The following SNF8 variants were observed in gnomAD, a reference collection of about 807,000 sequenced individuals.
SNF8 encodes the protein vacuolar-sorting protein SNF8.
SNF8 carries 19 observed loss-of-function variants against 36.8 expected under a neutral mutation model. The ratio of observed to expected loss-of-function variants is 0.52; its 90% CI spans 0.36 to 0.76. The LOEUF is 0.76. Among genes scored for constraint, SNF8 ranks in the 30% least tolerant of loss-of-function variants. The pLI is 0.00. For missense variants in SNF8, 268 were observed against 322.9 expected (o/e 0.83, Z 1.30); for synonymous variants, 127 against 127.4 (o/e 1.00, Z 0.02).
At chr17:48,941,633 C>T (rs998874140) in intron 2 of SNF8, among the ~76,000 whole-genome samples, 8 of 152,062 alleles carry the variant, frequency 5.3e-5, no homozygotes, top group Non-Finnish European at 1.2e-4. Flanking sequence ...CACTTGAGCC[C>T]AGGAGCTCAA....
At position 48,944,776 on chromosome 17, in the gene SNF8, G is replaced by T. The variant is rs373186869; in HGVS notation, c.-42C>A. On this transcript the variant is annotated 5_prime_UTR_variant, in exon 1 of 8. Transcript: ENST00000502492. Reference sequence around the variant, plus strand: ...CGGGCCGCCCGGCTGCCGGGACCCCGGGTCTCCACGTCCCGGACTCCGCCG... The same window carrying T: ...CGGGCCGCCCGGCTGCCGGGACCCCTGGTCTCCACGTCCCGGACTCCGCCG... 1.3e-6 allele frequency: 2 copies of T among 1,573,840 alleles called. No individual in the cohort carries two copies. The highest frequency in any genetic ancestry group is 2.8e-5 in the African/African-American group (2 of 71,564).
chr17:48,933,568 C>G, intron 5 of SNF8: 1 of 515,278 alleles, frequency 1.9e-6, no homozygotes, highest in Middle Eastern at 5.3e-4. Flanking sequence ...ACAGCAAGAC[C>G]TTATCTTTAC....
intron 6 of SNF8, 145 bp downstream of exon 6, chr17:48,933,060 T>C (rs2040882622): frequency 1.3e-6 from 1 of 785,480 alleles, no homozygotes; most frequent in Non-Finnish European, 2.0e-6. Context: ...AAATGTCTGC[T>C]GAACAAGCAC....
In SNF8 at chr17:48,944,837, A is replaced by G; in HGVS notation, c.-103T>C. ...AAGGCGGAAGCCCGAGCCGCGCGTC[A>G]TCTGCACGCGCCGGAAGCCACGAGC... On this transcript the variant is annotated 5_prime_UTR_variant, in exon 1 of 8. The change abolishes an upstream ATG in the 5' untranslated region. Transcript: ENST00000502492. 1 of 1,391,998 alleles carries G rather than the reference A, an allele frequency of 7.2e-7. No homozygotes were observed. The allele number at this position is 1,391,998 out of a possible 1,614,324, so 86.2% of individuals were successfully genotyped here.
intron 4 of SNF8, 91 bp downstream of exon 4, chr17:48,936,929 G>A: frequency 1.0e-6 from 1 of 968,892 alleles, no homozygotes; most frequent in South Asian, 1.3e-5. Context: ...TTAGAGGCCT[G>A]TAGACTGCAG....
At chr17:48,930,730 A>G (rs1030436594) in intron 7 of SNF8, 118 bp from the exon 8 acceptor site, 1 of 1,063,802 alleles carries the variant, frequency 9.4e-7, no homozygotes, top group Non-Finnish European at 1.3e-6. Context: ...TAAATCTACT[A>G]AGTGCCTTCA....
In SNF8 at chr17:48,929,445, A is replaced by T. The variant is rs2040823890; in HGVS notation, c.*1030T>A. ...GTTTTCAGATTTCCAGTACTAAACTAGCACTTTTAGGATCTTAGCCTTTAG... is the reference window on the plus strand; with the variant it reads ...GTTTTCAGATTTCCAGTACTAAACTTGCACTTTTAGGATCTTAGCCTTTAG... On this transcript the variant is annotated 3_prime_UTR_variant, in exon 8 of 8. Transcript: ENST00000502492. The T allele has an allele frequency of 6.6e-6, 1 of 152,228 alleles. No individual in the cohort carries two copies. Among genetic ancestry groups the T allele is most frequent in the African/African-American group, 2.4e-5 (1 of 41,450 alleles). The allele number at this position is 152,228 out of a possible 1,614,324, so 9.4% of individuals were successfully genotyped here. A position where few individuals can be genotyped will look rare whatever the true frequency, so the allele number is the denominator to read the frequency against.
At chr17:48,942,415 A>G (rs983066170) in intron 2 of SNF8, among the ~76,000 whole-genome samples, 41 of 151,632 alleles carry the variant, frequency 2.7e-4, no homozygotes, top group Non-Finnish European at 8.8e-5. Context: ...CTCCCCTGTG[A>G]GTGGGTGCTT....
intron 2 of SNF8, among the ~76,000 whole-genome samples, chr17:48,942,037 A>G (rs4793995): frequency 6.6e-6 from 1 of 151,782 alleles, no homozygotes; most frequent in African/African-American, 2.4e-5. Context: ...AAAACTTTTG[A>G]GTCATGAACC....
chr17:48,933,567 C>A, intron 5 of SNF8: 1 of 524,192 alleles, frequency 1.9e-6, no homozygotes, highest in South Asian at 2.6e-5. Flanking sequence ...CACAGCAAGA[C>A]CTTATCTTTA....
chr17:48,941,051 C>G lies in SNF8; in HGVS notation c.117G>C (p.Gln39His), dbSNP rs769706583. 11 of 1,613,814 alleles carry G rather than the reference C, an allele frequency of 6.8e-6. No individual in the cohort carries two copies. Among genetic ancestry groups the G allele is most frequent in the Non-Finnish European group, 8.5e-6 (10 of 1,179,994 alleles). ...CCAGGTTGGTCTTGAACATGTCCAA[C>G]TGCTTTGACATCTGTTGGATGGACA... ...AEDQLAQMSK[Q>H]LDMFKTNLEE... The change falls in exon 3 of 8, where the codon CAG becomes CAC. Residue 39 changes from glutamine (Q) to histidine (H), a missense_variant. Gln to His is a conservative substitution (Grantham distance 24). Coordinates refer to ENST00000502492, the MANE Select transcript of SNF8 (RefSeq NM_007241.4).
intron 6 of SNF8, 46 bp from the exon 7 acceptor site, chr17:48,931,763 T>TC: frequency 6.7e-7 from 1 of 1,487,604 alleles, no homozygotes; most frequent in Non-Finnish European, 9.3e-7. Flanking sequence ...GAGTGCACCT[T>TC]CCCTTAGAAC....
chr17:48,938,881 A>G (rs2040978504), intron 3 of SNF8, among the ~76,000 whole-genome samples: 1 of 151,446 alleles, frequency 6.6e-6, no homozygotes, highest in African/African-American at 2.5e-5. Flanking sequence ...CTCAAAAAAA[A>G]AAAAAAGCAG....
intron 5 of SNF8, among the ~76,000 whole-genome samples, chr17:48,934,230 T>C (rs1043729046): frequency 3.3e-5 from 5 of 152,090 alleles, no homozygotes; most frequent in Admixed American, 6.6e-5. Flanking sequence ...CCCCAAAGAA[T>C]AGCAAACTGA....
At chr17:48,938,272 G>A (rs915942105) in intron 3 of SNF8, among the ~76,000 whole-genome samples, 2 of 146,232 alleles carry the variant, frequency 1.4e-5, no homozygotes, top group East Asian at 2.1e-4. Flanking sequence ...AGAGGCAGGC[G>A]GATCACCTGA....
At chr17:48,935,678 CAAA>C (rs2040924425) in intron 5 of SNF8, 1 of 151,116 alleles carries the variant, frequency 6.6e-6, no homozygotes, top group Non-Finnish European at 1.5e-5. Flanking sequence ...GACTCTTTCT[CAAA>C]GAAAAAAAAG....
chr17:48,944,720 C>T lies in SNF8; in HGVS notation c.15G>A (p.Gly5=). The T allele has an allele frequency of 6.2e-7, 1 of 1,610,888 alleles. No individual in the cohort carries two copies. Among genetic ancestry groups the T allele is most frequent in the Non-Finnish European group, 8.5e-7 (1 of 1,178,966 alleles). Residue 5 remains glycine (G), a synonymous_variant, in exon 1 of 8, where the codon GGG becomes GGA. Transcript: ENST00000502492. ...TCTTGGCGATGGCGCCAGCTCCCAC[C>T]CCGCGGCGGTGCATCCCCACCCTGG... MHRR[G]VGAGAIAKKK... is the part of the protein sequence containing the mutation.
At chr17:48,932,975 CCTT>C (rs1234711105) in intron 6 of SNF8, 6 of 442,524 alleles carry the variant, frequency 1.4e-5, no homozygotes, top group Non-Finnish European at 1.6e-5. Context: ...ACTGTAAGCT[CCTT>C]GAGAGCAGGA....
In SNF8 at chr17:48,944,681, C is replaced by CTCTG. The variant is rs747422767; in HGVS notation, c.50_53dup (p.Glu18AspfsTer6). 3 of 1,612,756 alleles carry CTCTG rather than the reference C, an allele frequency of 1.9e-6. No individual in the cohort carries two copies. The highest frequency in any genetic ancestry group is 8.5e-7 in the Non-Finnish European group (1 of 1,179,400). On this transcript the variant is annotated frameshift_variant and splice_region_variant, in exon 1 of 8. Coordinates refer to ENST00000502492, the MANE Select transcript of SNF8 (RefSeq NM_007241.4). LOFTEE classifies it high-confidence loss of function. ...GTGGGTCGGCCTTCTTCCTGCTCAC[C>CTCTG]TCTGCAAGTTTCTTCTTGGCGATGG...
Sources: allele counts gnomAD v4.1 joint callset (sites outside exome capture counted in the v4.1 genomes callset), GRCh38; gene constraint gnomAD v4.1.1; transcripts MANE v1.5; gene names NCBI Gene and HGNC (gene_info 2026-07-23, HGNC 2026-07-21).